The following PPRC1 variants were observed in gnomAD, a reference collection of about 807,000 sequenced individuals.
PPRC1 encodes PPARG related coactivator 1, also known as peroxisome proliferator-activated receptor gamma coactivator-related protein 1.
A neutral mutation model predicts 132.5 loss-of-function variants in PPRC1; 23 were observed. The ratio of observed to expected loss-of-function variants is 0.17; its 90% CI spans 0.12 to 0.25. The LOEUF is 0.25. PPRC1 is among the 10% of genes least tolerant of loss of function. The pLI, the probability that PPRC1 is intolerant of heterozygous loss-of-function variation, is 1.00. For missense variants in PPRC1, 2,006 were observed against 2,089.1 expected (o/e 0.96, Z 0.78); for synonymous variants, 872 against 833.5 (o/e 1.05, Z -0.80).
Position 102,137,896 on chromosome 10 carries a change from C to T in PPRC1, c.200C>T (p.Ser67Phe). ...GGTGATTCTGGCTTTGTCAGTCTCT[C>T]TCGGCTGGGCCCATCTCTGAGGGAC... The part of the protein sequence containing the change: ...EAGDSGFVSL[S>F]RLGPSLRDKD... The change falls in exon 2 of 14, where the codon TCT (serine) becomes TTT (phenylalanine). Residue 67 changes from serine to phenylalanine, a missense_variant. By Grantham distance (155) the Ser-to-Phe change is radical. Around this residue, in one of 2 missense-constraint regions of PPRC1, gnomAD observed 1,914 missense variants for 1,917.2 expected, o/e 1.00. Coordinates refer to ENST00000278070, the MANE Select transcript of PPRC1 (RefSeq NM_015062.5). 6.2e-7 allele frequency: 1 copy of T among 1,614,100 alleles called. No individual in the cohort carries two copies. The highest frequency in any genetic ancestry group is 8.5e-7 in the Non-Finnish European group (1 of 1,180,008).
In PPRC1 at chr10:102,143,082, G is replaced by A; in HGVS notation, c.3534G>A (p.Gln1178=). Residue 1178 remains glutamine (Q), a synonymous_variant, in exon 6 of 14, where the codon CAG becomes CAA. Transcript: ENST00000278070. The part of the protein sequence containing the change: ...EASDLSSLLE[Q]FEKSEAKKEC... ...CGGACCTGTCCAGTCTGCTGGAGCA[G>A]TTTGAGAAATCAGAAGGTGAGGGAA... 1 of 1,613,618 alleles carries A rather than the reference G, an allele frequency of 6.2e-7. No homozygotes were observed. The highest frequency in any genetic ancestry group is 8.5e-7 in the Non-Finnish European group (1 of 1,179,522).
intron 6 of PPRC1, among the ~76,000 whole-genome samples, chr10:102,143,606 A>G (rs1232670536): frequency 6.6e-6 from 1 of 151,904 alleles, no homozygotes; most frequent in East Asian, 1.9e-4. Flanking sequence ...CTCAAAAAAA[A>G]AAAAAAAAAA....
At chr10:102,136,927 C>A (rs1018734591) in intron 1 of PPRC1, among the ~76,000 whole-genome samples, 1 of 152,192 alleles carries the variant, frequency 6.6e-6, no homozygotes, top group African/African-American at 2.4e-5. Flanking sequence ...TGGGGCGGGG[C>A]CTTTCCATCT....
chr10:102,125,251 C>T, the PPRC1 span, among the ~76,000 whole-genome samples: 1 of 149,492 alleles, frequency 6.7e-6, no homozygotes. Flanking sequence ...CCACCACACC[C>T]AGTTAATTTT....
At chr10:102,120,892 A>AC in the PPRC1 span, among the ~76,000 whole-genome samples, 1 of 151,358 alleles carries the variant, frequency 6.6e-6, no homozygotes, top group Non-Finnish European at 1.5e-5. Flanking sequence ...GGGACTGCAG[A>AC]CCCCCTGTCC....
the PPRC1 span, among the ~76,000 whole-genome samples, chr10:102,125,961 C>G: frequency 6.6e-6 from 1 of 151,614 alleles, no homozygotes; most frequent in East Asian, 1.9e-4. Flanking sequence ...CTCCCGGGTT[C>G]AAGCAATTCT....
At position 102,141,718 on chromosome 10, in the gene PPRC1, G is replaced by A. The variant is rs753532044; in HGVS notation, c.3210G>A (p.Val1070=). 3 of 1,614,032 alleles carry A rather than the reference G, an allele frequency of 1.9e-6. No homozygotes were observed. Among genetic ancestry groups the A allele is most frequent in the Non-Finnish European group, 2.5e-6 (3 of 1,179,940 alleles). Residue 1070 remains valine, a synonymous_variant, in exon 5 of 14, where the codon GTG becomes GTA. Coordinates refer to ENST00000278070, the MANE Select transcript of PPRC1 (RefSeq NM_015062.5). ...CATCTCCCCATCCGAAACACAAGGT[G>A]TCTGCCCTGGTGCAAAGTCCCCAGA... ...VPASPHPKHK[V]SALVQSPQMK... is the part of the protein sequence containing the mutation.
the PPRC1 span, among the ~76,000 whole-genome samples, chr10:102,123,665 G>C: frequency 2.0e-5 from 3 of 151,734 alleles, no homozygotes; most frequent in African/African-American, 7.3e-5. Flanking sequence ...TGAGTAGCTG[G>C]GATTACAGGC....
Position 102,141,766 on chromosome 10 carries a change from T to A in PPRC1, c.3258T>A (p.Ser1086=). The change falls in exon 5 of 14, where the codon TCT becomes TCA. Residue 1086 remains serine, a synonymous_variant. Coordinates refer to ENST00000278070, the MANE Select transcript of PPRC1 (RefSeq NM_015062.5). ...SPQMKALACV[S]AEGVTVEEPA... The stretch of plus-strand genomic sequence containing the variant: ...AGATGAAGGCTCTAGCATGTGTGTC[T>A]GCTGAAGGTGTGACTGTTGAGGAGC... 2 of 1,613,840 alleles carry A rather than the reference T, an allele frequency of 1.2e-6. No individual in the cohort carries two copies. The highest frequency in any genetic ancestry group is 1.7e-5 in the Admixed American group (1 of 59,964).
chr10:102,140,887 T>C lies in PPRC1; in HGVS notation c.2379T>C (p.Pro793=). ...PETPTGLADI[P]CLVIPPAPAK... is the part of the protein sequence containing the mutation. ...CTCCCACAGGGCTGGCAGACATCCC[T>C]TGTCTTGTCATCCCACCAGCCCCAG... The change falls in exon 5 of 14, where the codon CCT becomes CCC. Residue 793 remains proline, a synonymous_variant. Coordinates refer to ENST00000278070, the MANE Select transcript of PPRC1 (RefSeq NM_015062.5). The C allele has an allele frequency of 2.5e-6, 4 of 1,614,042 alleles. No individual in the cohort carries two copies. Among genetic ancestry groups the C allele is most frequent in the Non-Finnish European group, 2.5e-6 (3 of 1,180,000 alleles).
rs762643672 is a variant in PPRC1, at chr10:102,145,021, G to C, written c.3610G>C (p.Gly1204Arg). The change falls in exon 8 of 14, where the codon GGC (glycine) becomes CGC (arginine). Residue 1204 changes from glycine to arginine, a missense_variant and splice_region_variant. Physicochemically the swap from Gly to Arg is moderately radical, Grantham distance 125. This residue lies in a region of PPRC1 where 1,914 missense variants were observed against 1,917.2 expected (regional missense o/e 1.00). Coordinates refer to ENST00000278070, the MANE Select transcript of PPRC1 (RefSeq NM_015062.5). ...ADSLAVGNSG[G>R]VDIPQEKRPL... ...CTTTCCCTTTTCCCCCCCCGCCAGCGGCGTTGACATTCCCCAGGAGAAGAG... is the reference window on the plus strand; with the variant it reads ...CTTTCCCTTTTCCCCCCCCGCCAGCCGCGTTGACATTCCCCAGGAGAAGAG... The C allele has an allele frequency of 3.8e-6, 6 of 1,598,174 alleles. 1 individual carries two copies. In the South Asian group the frequency reaches 4.5e-5, roughly 12 times the overall value.
In PPRC1 at chr10:102,141,076, G is replaced by A. The variant is rs145707681; in HGVS notation, c.2568G>A (p.Ala856=). 9.3e-6 allele frequency: 15 copies of A among 1,613,986 alleles called. No individual in the cohort carries two copies. Among genetic ancestry groups the A allele is most frequent in the East Asian group, 2.2e-5 (1 of 44,898 alleles). The stretch of plus-strand genomic sequence containing the variant: ...CATCCCAGGAGATGCCACTGTTGGC[G>A]AGACCTTCCCCTCCTGTGCAGTCTG... ...QVPSQEMPLL[A]RPSPPVQSVS... is the part of the protein sequence containing the mutation. The change falls in exon 5 of 14, where the codon GCG becomes GCA. Residue 856 remains alanine (A), a synonymous_variant. Transcript: ENST00000278070.
rs2069101670 is a variant in PPRC1 at position 102,143,775 on chromosome 10, T to G, written c.3551-475T>G. On this transcript the variant is annotated intron_variant, in intron 6 of 13. Transcript: ENST00000278070. Reference sequence around the variant, plus strand: ...TAGGAAGAATGGCATATGGCACATTTGAAAGGCAATGGATAGCTGGCTTTC... The same window carrying G: ...TAGGAAGAATGGCATATGGCACATTGGAAAGGCAATGGATAGCTGGCTTTC... Among the ~76,000 whole-genome samples, 2 of 152,210 alleles carry G rather than the reference T, an allele frequency of 1.3e-5. 1 individual carries two copies. Among genetic ancestry groups the G allele is most frequent in the Non-Finnish European group, 2.9e-5 (2 of 68,034 alleles).
At chr10:102,130,430 A>C (rs868511323), upstream of PPRC1, among the ~76,000 whole-genome samples, 400 of 144,398 alleles carry the variant, frequency 2.8e-3, 9 homozygotes, top group Middle Eastern at 0.027. Context: ...AAAAAAAAAA[A>C]AAAAAAAAAA....
chr10:102,120,445 C>T, the PPRC1 span: 18 of 968,470 alleles, frequency 1.9e-5, no homozygotes, highest in Non-Finnish European at 2.2e-5. Context: ...GCCCCCCTCT[C>T]CGCCCTCGCG....
Position 102,144,849 on chromosome 10 carries a change from A to G in PPRC1, c.3609-171A>G, listed in dbSNP as rs570613691. 360 of 619,402 alleles carry G rather than the reference A, an allele frequency of 5.8e-4. 9 individuals carry two copies. Among genetic ancestry groups the G allele is most frequent in the South Asian group, 5.7e-3 (280 of 49,134 alleles). The allele number at this position is 619,402 out of a possible 1,614,324, so 38.4% of individuals were successfully genotyped here. On this transcript the variant is annotated intron_variant, in intron 7 of 13. Transcript: ENST00000278070. The stretch of plus-strand genomic sequence containing the variant: ...TTGGGCAGGGCTCAGTTGAGATCCA[A>G]TTTGTAGTTCAGTCAATAAGACCCT...
chr10:102,142,120 G>A, intron 5 of PPRC1, 116 bp downstream of exon 5: 1 of 1,302,788 alleles, frequency 7.7e-7, no homozygotes, highest in Middle Eastern at 2.0e-4. Flanking sequence ...GAGTTTTTTT[G>A]TTTTTATTTT....
At position 102,141,770 on chromosome 10, in the gene PPRC1, G is replaced by A; in HGVS notation, c.3262G>A (p.Glu1088Lys). 6.2e-7 allele frequency: 1 copy of A among 1,613,824 alleles called. No individual in the cohort carries two copies. Reference sequence around the variant, plus strand: ...GAAGGCTCTAGCATGTGTGTCTGCTGAAGGTGTGACTGTTGAGGAGCCTGC... The same window carrying A: ...GAAGGCTCTAGCATGTGTGTCTGCTAAAGGTGTGACTGTTGAGGAGCCTGC... Reference protein sequence around the residue: ...QMKALACVSAEGVTVEEPASE... With the variant: ...QMKALACVSAKGVTVEEPASE... Residue 1088 changes from glutamate (E) to lysine (K), a missense_variant, in exon 5 of 14, where the codon GAA becomes AAA. Physicochemically the swap from Glu to Lys is moderately conservative, Grantham distance 56. This residue lies in a region of PPRC1 where 1,914 missense variants were observed against 1,917.2 expected (regional missense o/e 1.00). Coordinates refer to ENST00000278070, the MANE Select transcript of PPRC1 (RefSeq NM_015062.5).
chr10:102,146,588 G>C, intron 8 of PPRC1, 84 bp from the exon 9 acceptor site: 1 of 1,483,020 alleles, frequency 6.7e-7, no homozygotes, highest in Non-Finnish European at 9.0e-7. Flanking sequence ...ATGAGGTGGG[G>C]GTCTCTGGAG....
Sources: allele counts gnomAD v4.1 joint callset (sites outside exome capture counted in the v4.1 genomes callset), GRCh38; gene constraint gnomAD v4.1.1; regional missense constraint gnomAD v4.1.1; transcripts MANE v1.5; gene names NCBI Gene and HGNC (gene_info 2026-07-23, HGNC 2026-07-21).